Variants in PPHLN1 observed in about 807,000 individuals in gnomAD.
PPHLN1 encodes the protein periphilin 1, also known as periphilin-1.
PPHLN1 carries 29 observed loss-of-function variants against 51.3 expected under a neutral mutation model. The ratio of observed to expected loss-of-function variants is 0.57; its 90% CI spans 0.42 to 0.77. PPHLN1 has a LOEUF of 0.77. Ranked by LOEUF, PPHLN1 falls within the 30% of genes least tolerant of loss-of-function variation. The probability of loss-of-function intolerance (pLI) is 0.00; values close to 1 mark genes in which losing one functional copy is unlikely to be tolerated. For missense variants in PPHLN1, 436 were observed against 438.4 expected (o/e 0.99, Z 0.05); for synonymous variants, 147 against 147.8 (o/e 0.99, Z 0.04).
At chr12:42,331,650 C>T (rs1399061034) in intron 1 of PPHLN1, 6 of 152,184 alleles carry the variant, frequency 3.9e-5, no homozygotes, top group African/African-American at 1.4e-4. Context: ...AATCCATAAC[C>T]AGTTATTAGC....
intron 8 of PPHLN1, among the ~76,000 whole-genome samples, chr12:42,395,824 G>C (rs1400952905): frequency 6.6e-6 from 1 of 152,136 alleles, no homozygotes; most frequent in Non-Finnish European, 1.5e-5. Flanking sequence ...AGCTGAGATA[G>C]ATAGAATGAA....
At position 42,417,711 on chromosome 12, in the gene PPHLN1, G is replaced by GA. The variant is rs35667391; in HGVS notation, c.909+18727dup. On this transcript the variant is annotated intron_variant, in intron 9 of 9. Coordinates refer to ENST00000358314, the MANE Select transcript of PPHLN1 (RefSeq NM_201439.2). ...AGGTGGTGAAGATGATGATTTTATA[G>GA]AAAAAAAAAATGACGCAAACTTAGT... 1.0e-3 allele frequency among the ~76,000 whole-genome samples: 150 copies of GA among 149,514 alleles called. 2 individuals carry two copies. The East Asian group carries it at 0.01, about 10-fold the overall frequency.
At chr12:42,427,017 G>T (rs959404204) in intron 9 of PPHLN1, among the ~76,000 whole-genome samples, 14 of 150,994 alleles carry the variant, frequency 9.3e-5, no homozygotes, top group Non-Finnish European at 1.9e-4. Context: ...CGCCGTGCAG[G>T]TTTCTCAAAC....
intron 8 of PPHLN1, among the ~76,000 whole-genome samples, chr12:42,396,796 A>T (rs936001763): frequency 1.4e-4 from 21 of 151,482 alleles, no homozygotes; most frequent in Non-Finnish European, 2.9e-4. Flanking sequence ...TCTCAGAAAA[A>T]AAAGAAATGG....
intron 9 of PPHLN1, among the ~76,000 whole-genome samples, chr12:42,417,068 A>G (rs1388075407): frequency 6.6e-6 from 1 of 152,208 alleles, no homozygotes; most frequent in Non-Finnish European, 1.5e-5. Flanking sequence ...GGGAGGGATA[A>G]TGAGAGCCTA....
intron 4 of PPHLN1, among the ~76,000 whole-genome samples, chr12:42,367,754 AAC>A (rs1037954707): frequency 6.6e-6 from 1 of 152,100 alleles, no homozygotes; most frequent in Non-Finnish European, 1.5e-5. Context: ...AAGTTTTTGA[AAC>A]AGAGTCTCGC....
chr12:42,340,568 G>A (rs1294119462), intron 2 of PPHLN1, among the ~76,000 whole-genome samples: 2 of 152,136 alleles, frequency 1.3e-5, no homozygotes, highest in Admixed American at 6.6e-5. Context: ...AAAGAAAGAA[G>A]TCAGTCACAA....
downstream of PPHLN1, chr12:42,445,199 C>T (rs531654414): frequency 1.6e-4 from 108 of 693,658 alleles, 2 homozygotes; most frequent in South Asian, 1.6e-3. Context: ...TGGCTTATGG[C>T]AATGATCAAG....
chr12:42,386,674 A>C (rs1363424999), intron 6 of PPHLN1, among the ~76,000 whole-genome samples: 2 of 152,218 alleles, frequency 1.3e-5, no homozygotes, highest in Admixed American at 1.3e-4. Flanking sequence ...TATTTGGCAC[A>C]TATAGACAAT....
chr12:42,376,088 G>A (rs2076243806), intron 5 of PPHLN1, among the ~76,000 whole-genome samples: 1 of 152,200 alleles, frequency 6.6e-6, no homozygotes. Context: ...CTCTGAGGAT[G>A]TAAGAACATG....
intron 9 of PPHLN1, among the ~76,000 whole-genome samples, chr12:42,424,034 C>G (rs2081222201): frequency 1.3e-5 from 2 of 152,062 alleles, no homozygotes; most frequent in South Asian, 4.1e-4. Context: ...TGTGAAGCAC[C>G]TTTGATGGGT....
At chr12:42,419,937 A>G (rs911439463) in intron 9 of PPHLN1, among the ~76,000 whole-genome samples, 5 of 152,230 alleles carry the variant, frequency 3.3e-5, no homozygotes, top group Non-Finnish European at 7.3e-5. Context: ...TGTGAGGAGA[A>G]TGATTGTTGC....
intron 2 of PPHLN1, among the ~76,000 whole-genome samples, chr12:42,346,523 A>G (rs910762884): frequency 2.0e-5 from 3 of 152,146 alleles, no homozygotes; most frequent in Admixed American, 6.5e-5. Context: ...AAATTTGGCA[A>G]TTGTGAATAA....
Position 42,375,053 on chromosome 12 carries a change from T to G in PPHLN1, c.490T>G (p.Phe164Val). Residue 164 changes from phenylalanine (F) to valine (V), a missense_variant, in exon 5 of 10, where the codon TTC (phenylalanine) becomes GTC (valine). Transcript: ENST00000358314. ...YSPERSKSYS[F>V]HQSQHRKSVR... ...TCCAGAAAGGAGCAAATCATACTCT[T>G]TCCATCAGTCTCAACATAGAAGTAT... The G allele has an allele frequency of 6.2e-7, 1 of 1,610,710 alleles. No individual in the cohort carries two copies. The highest frequency in any genetic ancestry group is 8.5e-7 in the Non-Finnish European group (1 of 1,177,488).
intron 5 of PPHLN1, among the ~76,000 whole-genome samples, chr12:42,380,063 C>CT (rs1284210964): frequency 1.3e-5 from 2 of 151,944 alleles, no homozygotes; most frequent in Non-Finnish European, 2.9e-5. Context: ...TCTTGAAACT[C>CT]TTAAGTTATA....
intron 5 of PPHLN1, among the ~76,000 whole-genome samples, chr12:42,383,339 T>G (rs1234293431): frequency 6.6e-6 from 1 of 152,226 alleles, no homozygotes; most frequent in Non-Finnish European, 1.5e-5. Context: ...CAATTCACTC[T>G]CAGGAGCTAA....
In PPHLN1 at chr12:42,351,913, T is replaced by C; in HGVS notation, c.101T>C (p.Val34Ala). The change falls in exon 3 of 10, where the codon GTG (valine) becomes GCG (alanine). Residue 34 changes from valine (V) to alanine (A), a missense_variant. Val to Ala is a moderately conservative substitution (Grantham distance 64). Coordinates refer to ENST00000358314, the MANE Select transcript of PPHLN1 (RefSeq NM_201439.2). ...SDGYNRLVNI[V>A]PKKPPLLDRP... ...GGCTACAATAGACTAGTTAATATTG[T>C]GCCAAAGAAACCACCACTGCTAGAC... is the stretch of plus-strand genomic sequence containing the variant. 1.3e-6 allele frequency: 2 copies of C among 1,581,300 alleles called. No homozygotes were observed. Among genetic ancestry groups the C allele is most frequent in the Non-Finnish European group, 1.7e-6 (2 of 1,169,210 alleles).
intron 4 of PPHLN1, among the ~76,000 whole-genome samples, chr12:42,356,359 G>C (rs1461365240): frequency 6.6e-6 from 1 of 152,222 alleles, no homozygotes; most frequent in East Asian, 1.9e-4. Flanking sequence ...GATGGTGACT[G>C]TGCACACAGT....
chr12:42,406,466 T>A (rs2079318137), intron 9 of PPHLN1, among the ~76,000 whole-genome samples: 1 of 152,238 alleles, frequency 6.6e-6, no homozygotes, highest in African/African-American at 2.4e-5. Flanking sequence ...GTTTATGAGA[T>A]TCGTTGATGT....
Sources: allele counts gnomAD v4.1 joint callset (sites outside exome capture counted in the v4.1 genomes callset), GRCh38; gene constraint gnomAD v4.1.1; transcripts MANE v1.5; gene names NCBI Gene and HGNC (gene_info 2026-07-23, HGNC 2026-07-21).